SH3RF3: variants seen among roughly 807,000 people sequenced by gnomAD.
The protein encoded by SH3RF3 is E3 ubiquitin-protein ligase SH3RF3.
In SH3RF3, 29 loss-of-function variants were observed where a neutral mutation model predicts 66.3. The observed-to-expected ratio is 0.44, with a 90% CI of 0.33 to 0.60. SH3RF3 has a LOEUF of 0.60. SH3RF3 is among the 20% of genes least tolerant of loss of function. The pLI is 0.04. For missense variants in SH3RF3, 1,194 were observed against 1,190.9 expected (o/e 1.00, Z -0.04); for synonymous variants, 583 against 532.0 (o/e 1.10, Z -1.32).
At chr2:109,325,620 A>G (rs1321951638) in intron 1 of SH3RF3, among the ~76,000 whole-genome samples, 1 of 151,996 alleles carries the variant, frequency 6.6e-6, no homozygotes, top group African/African-American at 2.4e-5. Context: ...GAACTCACTC[A>G]CCACTTCCCA....
chr2:109,465,764 A>G (rs1398309785), intron 8 of SH3RF3, among the ~76,000 whole-genome samples: 2 of 152,184 alleles, frequency 1.3e-5, no homozygotes, highest in Non-Finnish European at 2.9e-5. Context: ...AGAGTCTCAC[A>G]TGGCAGGAGC....
At chr2:109,255,523 A>T (rs1202833392) in intron 1 of SH3RF3, among the ~76,000 whole-genome samples, 1 of 152,192 alleles carries the variant, frequency 6.6e-6, no homozygotes, top group Non-Finnish European at 1.5e-5. Flanking sequence ...AAAATTAGCA[A>T]ATAACCCCAT....
At chr2:109,161,957 G>A (rs1319032895) in intron 1 of SH3RF3, among the ~76,000 whole-genome samples, 1 of 152,078 alleles carries the variant, frequency 6.6e-6, no homozygotes, top group Non-Finnish European at 1.5e-5. Context: ...TGGGGGCTGT[G>A]TATCTTATAT....
At chr2:109,432,439 C>A in intron 5 of SH3RF3, 62 bp from the exon 6 acceptor site, 1 of 1,586,284 alleles carries the variant, frequency 6.3e-7, no homozygotes, top group Non-Finnish European at 8.6e-7. Context: ...CCCAGGAATG[C>A]CGGCCGGTCC....
chr2:109,487,463 G>A (rs1370806331), intron 8 of SH3RF3, among the ~76,000 whole-genome samples: 1 of 152,238 alleles, frequency 6.6e-6, no homozygotes, highest in African/African-American at 2.4e-5. Flanking sequence ...GCAGAATTCT[G>A]TCCTGGAAGG....
chr2:109,486,535 C>A (rs1337919922), intron 8 of SH3RF3, among the ~76,000 whole-genome samples: 1 of 152,220 alleles, frequency 6.6e-6, no homozygotes, highest in Non-Finnish European at 1.5e-5. Context: ...AACATAATCA[C>A]CAGATATTGA....
intron 1 of SH3RF3, among the ~76,000 whole-genome samples, chr2:109,173,457 A>G (rs528348776): frequency 9.7e-4 from 147 of 152,296 alleles, no homozygotes; most frequent in African/African-American, 3.2e-3. Flanking sequence ...TTGCCTCTCC[A>G]GTTGACTCTG....
chr2:109,389,270 C>T (rs570656874), intron 3 of SH3RF3, among the ~76,000 whole-genome samples: 1 of 152,224 alleles, frequency 6.6e-6, no homozygotes, highest in African/African-American at 2.4e-5. Context: ...GGCCCCGCTC[C>T]TTGTGCATCA....
chr2:109,341,186 A>T (rs1255411389), intron 1 of SH3RF3, among the ~76,000 whole-genome samples: 1 of 152,262 alleles, frequency 6.6e-6, no homozygotes, highest in Admixed American at 6.5e-5. Context: ...TTTGGACCCA[A>T]CAAGCAGCTT....
At chr2:109,208,478 C>A (rs1678892966) in intron 1 of SH3RF3, among the ~76,000 whole-genome samples, 1 of 152,168 alleles carries the variant, frequency 6.6e-6, no homozygotes, top group African/African-American at 2.4e-5. Context: ...TGGAGAAGGG[C>A]AAAGGCTCCC....
At position 109,492,345 on chromosome 2, in the gene SH3RF3, C is replaced by G. The variant is rs180703533; in HGVS notation, c.2480+1409C>G. Among the ~76,000 whole-genome samples, 550 of 152,266 alleles carry G rather than the reference C, an allele frequency of 3.6e-3. 4 individuals are homozygous for G. Among genetic ancestry groups the G allele is most frequent in the African/African-American group, 0.013 (524 of 41,552 alleles). On this transcript the variant is annotated intron_variant, in intron 9 of 9. Coordinates refer to ENST00000309415, the MANE Select transcript of SH3RF3 (RefSeq NM_001099289.3). ...CTAGCGCCAAGCCTATGGGGCTAGGCCTGGGGCTCCAGAGTGGACAGGGCT... is the reference window on the plus strand; with the variant it reads ...CTAGCGCCAAGCCTATGGGGCTAGGGCTGGGGCTCCAGAGTGGACAGGGCT...
chr2:109,498,108 G>A (rs906196475), intron 9 of SH3RF3, among the ~76,000 whole-genome samples: 1 of 152,324 alleles, frequency 6.6e-6, no homozygotes, highest in Non-Finnish European at 1.5e-5. Flanking sequence ...AGCCCTCACA[G>A]AGACGCTGAG....
At chr2:109,337,086 G>A (rs1435489111) in intron 1 of SH3RF3, among the ~76,000 whole-genome samples, 1 of 152,250 alleles carries the variant, frequency 6.6e-6, no homozygotes, top group African/African-American at 2.4e-5. Flanking sequence ...TATCCTAAAT[G>A]TAAATTCAGG....
chr2:109,358,577 T>G (rs1281912350), intron 2 of SH3RF3, among the ~76,000 whole-genome samples: 2 of 152,228 alleles, frequency 1.3e-5, no homozygotes, highest in East Asian at 3.8e-4. Context: ...CTACACTGTC[T>G]TCTTTGGTGA....
At chr2:109,368,936 C>T (rs1160802510) in intron 2 of SH3RF3, among the ~76,000 whole-genome samples, 1 of 152,042 alleles carries the variant, frequency 6.6e-6, no homozygotes, top group African/African-American at 2.4e-5. Flanking sequence ...ATGCCTTGGG[C>T]CTCTGCTGGT....
chr2:109,197,728 A>G (rs752886390), intron 1 of SH3RF3, among the ~76,000 whole-genome samples: 10 of 152,246 alleles, frequency 6.6e-5, no homozygotes, highest in Non-Finnish European at 1.0e-4. Flanking sequence ...TTGCTGGAGT[A>G]GAAGGGTGGC....
intron 1 of SH3RF3, among the ~76,000 whole-genome samples, chr2:109,179,214 G>A (rs1412258079): frequency 6.6e-6 from 1 of 152,174 alleles, no homozygotes; most frequent in Non-Finnish European, 1.5e-5. Flanking sequence ...ATCAAAATTA[G>A]GTTCTACTTC....
chr2:109,483,515 T>C (rs1175900152), intron 8 of SH3RF3, among the ~76,000 whole-genome samples: 1 of 152,232 alleles, frequency 6.6e-6, no homozygotes, highest in Non-Finnish European at 1.5e-5. Context: ...TGCCTGTGGG[T>C]TGAGGTGGCA....
intron 5 of SH3RF3, among the ~76,000 whole-genome samples, chr2:109,424,478 AT>A (rs11448369): frequency 6.6e-6 from 1 of 151,962 alleles, no homozygotes; most frequent in African/African-American, 2.4e-5. Flanking sequence ...CAGATACTGC[AT>A]TTTTTTTACA....
Sources: allele counts gnomAD v4.1 joint callset (sites outside exome capture counted in the v4.1 genomes callset), GRCh38; gene constraint gnomAD v4.1.1; transcripts MANE v1.5; gene names NCBI Gene and HGNC (gene_info 2026-07-23, HGNC 2026-07-21).